OTUD7A: variants seen among roughly 807,000 people sequenced by gnomAD.
OTUD7A encodes OTU domain-containing protein 7A.
Under a neutral mutation model 65.7 loss-of-function variants are expected in OTUD7A, and 12 were observed. The observed-to-expected ratio is 0.18, with a 90% CI of 0.12 to 0.30. The LOEUF is 0.30. Ranked by LOEUF, OTUD7A falls within the 10% of genes least tolerant of loss-of-function variation. The pLI is 1.00. For synonymous variants in OTUD7A, 641 were observed against 586.3 expected (o/e 1.09, Z -1.35); for missense variants, 1,148 against 1,304.8 (o/e 0.88, Z 1.85).
chr15:31,812,747 C>A (rs1353692502), intron 1 of OTUD7A, among the ~76,000 whole-genome samples: 1 of 152,136 alleles, frequency 6.6e-6, no homozygotes, highest in Non-Finnish European at 1.5e-5. Flanking sequence ...CAGAATGTCC[C>A]CGAGTACATG....
intron 1 of OTUD7A, among the ~76,000 whole-genome samples, chr15:31,858,065 G>A (rs367747965): frequency 6.6e-6 from 1 of 152,220 alleles, no homozygotes; most frequent in African/African-American, 2.4e-5. Context: ...TGTCTTCCCG[G>A]AAAGGGCAGA....
At chr15:31,604,712 G>A (rs939790581) in intron 3 of OTUD7A, among the ~76,000 whole-genome samples, 19 of 152,344 alleles carry the variant, frequency 1.2e-4, no homozygotes, top group South Asian at 1.2e-3. Context: ...GCTCATGCAT[G>A]TGGCCAGAGA....
intron 1 of OTUD7A, among the ~76,000 whole-genome samples, chr15:31,764,432 G>A (rs1181570605): frequency 1.3e-5 from 2 of 151,976 alleles, no homozygotes; most frequent in Non-Finnish European, 2.9e-5. Flanking sequence ...TTACAACCCA[G>A]GCATTATATA....
At chr15:31,773,792 C>G (rs956634832) in intron 1 of OTUD7A, among the ~76,000 whole-genome samples, 1 of 152,126 alleles carries the variant, frequency 6.6e-6, no homozygotes, top group Non-Finnish European at 1.5e-5. Context: ...TGCAGTCGAC[C>G]AACAGATGCT....
intron 1 of OTUD7A, among the ~76,000 whole-genome samples, chr15:31,853,481 GAC>G (rs1897482022): frequency 6.6e-6 from 1 of 152,240 alleles, no homozygotes; most frequent in African/African-American, 2.4e-5. Context: ...ATCAGGAACA[GAC>G]ACAGAGAGCC....
At chr15:31,541,912 T>C (rs1392031486) in intron 5 of OTUD7A, among the ~76,000 whole-genome samples, 3 of 152,150 alleles carry the variant, frequency 2.0e-5, no homozygotes, top group Non-Finnish European at 4.4e-5. Flanking sequence ...TCTTTTAGCC[T>C]AGGCTTAGCA....
chr15:31,666,603 T>A (rs1892327767), intron 1 of OTUD7A, among the ~76,000 whole-genome samples: 1 of 152,208 alleles, frequency 6.6e-6, no homozygotes, highest in Non-Finnish European at 1.5e-5. Context: ...TTCATTTATC[T>A]TTTGTATTTT....
chr15:31,810,097 G>GGT (rs2140959721), intron 1 of OTUD7A, among the ~76,000 whole-genome samples: 2 of 152,322 alleles, frequency 1.3e-5, no homozygotes, highest in South Asian at 4.1e-4. Context: ...TGGTGCAGAT[G>GGT]GTGCAGTTCT....
chr15:31,540,775 T>G (rs1446752780), intron 5 of OTUD7A, among the ~76,000 whole-genome samples: 1 of 152,202 alleles, frequency 6.6e-6, no homozygotes, highest in African/African-American at 2.4e-5. Flanking sequence ...ATGCTTTGGC[T>G]TAAAAGGTAC....
At chr15:31,718,198 C>T (rs1893643406) in intron 1 of OTUD7A, among the ~76,000 whole-genome samples, 1 of 152,162 alleles carries the variant, frequency 6.6e-6, no homozygotes, top group South Asian at 2.1e-4. Context: ...TCAGGTCCCA[C>T]CCCTAAATAG....
intron 1 of OTUD7A, among the ~76,000 whole-genome samples, chr15:31,661,440 C>T (rs1429213925): frequency 6.6e-6 from 1 of 152,130 alleles, no homozygotes; most frequent in Non-Finnish European, 1.5e-5. Flanking sequence ...AAGGAGAACA[C>T]AGAATTACCT....
In OTUD7A at chr15:31,483,672, G is replaced by A. The variant is rs1481183070; in HGVS notation, c.2424C>T (p.Asn808=). 1 of 1,167,948 alleles carries A rather than the reference G, an allele frequency of 8.6e-7. No individual in the cohort carries two copies. The highest frequency in any genetic ancestry group is 1.1e-6 in the Non-Finnish European group (1 of 948,710). The allele number at this position is 1,167,948 out of a possible 1,614,324, so 72.3% of individuals were successfully genotyped here. Residue 808 remains asparagine, a synonymous_variant, in exon 13 of 13, where the codon AAC becomes AAT. Transcript: ENST00000307050. The stretch of plus-strand genomic sequence containing the variant: ...TGTAGCTCTGCGACGACAGCGAGCG[G>A]TTCTGCTGCGGGTACGTGGCGCACG... ...LRPCATYPQQ[N]RSLSSQSYSP...
chr15:31,775,089 TACAC>T (rs3046535), intron 1 of OTUD7A, among the ~76,000 whole-genome samples: 7,042 of 147,506 alleles, frequency 0.048, 170 homozygotes, highest in Middle Eastern at 0.076. Context: ...TCCATGCATT[TACAC>T]ACACACACAC....
At chr15:31,821,445 A>T (rs1417920238) in intron 1 of OTUD7A, among the ~76,000 whole-genome samples, 1 of 151,418 alleles carries the variant, frequency 6.6e-6, no homozygotes, top group Non-Finnish European at 1.5e-5. Context: ...AGCCCAGCCC[A>T]GTTTTTCATT....
chr15:31,484,810 T>C lies in OTUD7A; in HGVS notation c.1372-86A>G. The C allele has an allele frequency of 1.2e-5, 18 of 1,505,914 alleles. No individual in the cohort carries two copies. Among genetic ancestry groups the C allele is most frequent in the Non-Finnish European group, 1.4e-5 (16 of 1,130,250 alleles). The allele number at this position is 1,505,914 out of a possible 1,614,324, so 93.3% of individuals were successfully genotyped here. On this transcript the variant is annotated intron_variant, in intron 12 of 12. Transcript: ENST00000307050. The surrounding 1 kb of genome is among the most constrained non-coding windows in gnomAD (Gnocchi z 4.5). Reference sequence around the variant, plus strand: ...GAGGAAGACACACCTTGCCCCTGTGTTGCCGAGGCTAGGGCCCTGGACCTT... The same window carrying C: ...GAGGAAGACACACCTTGCCCCTGTGCTGCCGAGGCTAGGGCCCTGGACCTT...
intron 1 of OTUD7A, among the ~76,000 whole-genome samples, chr15:31,860,698 T>TAG (rs1897714764): frequency 1.5e-5 from 2 of 130,782 alleles, no homozygotes; most frequent in South Asian, 5.0e-4. Flanking sequence ...TATATATATA[T>TAG]ATGTATGTAT....
chr15:31,612,253 C>T (rs1031279161), intron 3 of OTUD7A, among the ~76,000 whole-genome samples: 1 of 152,230 alleles, frequency 6.6e-6, no homozygotes, highest in African/African-American at 2.4e-5. Context: ...AGGATGCCCA[C>T]TCTCACTACT....
chr15:31,643,910 T>C (rs1297286019), intron 3 of OTUD7A, among the ~76,000 whole-genome samples: 5 of 152,104 alleles, frequency 3.3e-5, no homozygotes, highest in Admixed American at 1.3e-4. Context: ...CCTCTTCTAA[T>C]AGAAAGCAGC....
At chr15:31,796,035 G>T (rs1310239996) in intron 1 of OTUD7A, among the ~76,000 whole-genome samples, 1 of 152,188 alleles carries the variant, frequency 6.6e-6, no homozygotes, top group East Asian at 1.9e-4. Context: ...GGCTTGGAGA[G>T]ATGCACTAGA....
Sources: allele counts gnomAD v4.1 joint callset (sites outside exome capture counted in the v4.1 genomes callset), GRCh38; gene constraint gnomAD v4.1.1; non-coding constraint Gnocchi (gnomAD v3.1); transcripts MANE v1.5; gene names NCBI Gene and HGNC (gene_info 2026-07-23, HGNC 2026-07-21).